Variants in SH3TC1 observed in about 807,000 individuals in gnomAD.
The protein encoded by SH3TC1 is SH3 domain and tetratricopeptide repeats 1.
In SH3TC1, 135 loss-of-function variants were observed where a neutral mutation model predicts 117.3. That is an observed-to-expected ratio of 1.15 (90% confidence interval 1.00 to 1.33). The LOEUF is 1.33. Ranked by LOEUF, SH3TC1 falls within the 40% of genes most tolerant of loss-of-function variation. SH3TC1 has a pLI of 0.00. For synonymous variants in SH3TC1, 898 were observed against 816.9 expected (o/e 1.10, Z -1.69); for missense variants, 2,092 against 1,794.3 (o/e 1.17, Z -3.00).
chr4:8,217,564 G>C (rs886502125), intron 7 of SH3TC1, among the ~76,000 whole-genome samples: 2 of 152,240 alleles, frequency 1.3e-5, no homozygotes, highest in African/African-American at 4.8e-5. Context: ...GCAAACTCCT[G>C]TTCACTTGCT....
chr4:8,202,319 AG>A (rs1365625492), intron 1 of SH3TC1, among the ~76,000 whole-genome samples: 2 of 152,224 alleles, frequency 1.3e-5, no homozygotes, highest in African/African-American at 2.4e-5. Context: ...ACATGGGAAC[AG>A]GGAGGGTGAA....
intron 1 of SH3TC1, among the ~76,000 whole-genome samples, chr4:8,185,268 G>A (rs1717187162): frequency 6.6e-6 from 1 of 151,954 alleles, no homozygotes; most frequent in Non-Finnish European, 1.5e-5. Flanking sequence ...CCCGGGATGC[G>A]GAGGTTGTGG....
chr4:8,240,914 T>C lies in SH3TC1; in HGVS notation c.3970T>C (p.Cys1324Arg), dbSNP rs2153000439. 3 of 1,612,664 alleles carry C rather than the reference T, an allele frequency of 1.9e-6. No individual in the cohort carries two copies. The highest frequency in any genetic ancestry group is 4.5e-5 in the East Asian group (2 of 44,864). ...GGTCAACCTGCCTCCTCTGCCACTC[T>C]GCGGGTGGGCCCCCTGGTTGGCCCC... ...RRVNLPPLPL[C>R]GWAPWLAPSH... Residue 1324 changes from cysteine (C) to arginine (R), a missense_variant, in exon 18 of 18, where the codon TGC (cysteine) becomes CGC (arginine). Cys to Arg is a radical substitution (Grantham distance 180, BLOSUM62 -3). Transcript: ENST00000245105.
chr4:8,218,501 G>T (rs1256613625), intron 8 of SH3TC1, among the ~76,000 whole-genome samples, 154 bp downstream of exon 8: 1 of 152,114 alleles, frequency 6.6e-6, no homozygotes. Context: ...TGCTTTCAAT[G>T]GCAAAAACCG....
chr4:8,225,859 A>G lies in SH3TC1; in HGVS notation c.1285+643A>G, dbSNP rs1720405933. On this transcript the variant is annotated intron_variant, in intron 11 of 17. Coordinates refer to ENST00000245105, the MANE Select transcript of SH3TC1 (RefSeq NM_018986.5). The surrounding 1 kb of genome is among the most constrained non-coding windows in gnomAD (Gnocchi z 5.5). ...AGGCCTGGAAGCCAGTGGGGAAGGG[A>G]AGGCTGTTGTAGGTTTTCCTGGGGG... 6.6e-6 allele frequency among the ~76,000 whole-genome samples: 1 copy of G among 151,954 alleles called. No individual in the cohort carries two copies. Among genetic ancestry groups the G allele is most frequent in the South Asian group, 2.1e-4 (1 of 4,804 alleles).
At chr4:8,187,118 C>T (rs1717243226) in intron 1 of SH3TC1, among the ~76,000 whole-genome samples, 1 of 152,198 alleles carries the variant, frequency 6.6e-6, no homozygotes, top group African/African-American at 2.4e-5. Context: ...CAGTTAATAT[C>T]CTCACTCGTA....
In SH3TC1 at chr4:8,206,218, A is replaced by G. The variant is rs1718193452; in HGVS notation, c.172+852A>G. On this transcript the variant is annotated intron_variant, in intron 2 of 17. Coordinates refer to ENST00000245105, the MANE Select transcript of SH3TC1 (RefSeq NM_018986.5). This position sits in a 1 kb window ranked among gnomAD's most constrained non-coding sequence, Gnocchi z 5.5. Reference sequence around the variant, plus strand: ...CCTGCCCTTCTGCTTGAGGGTGGAGATGGGAGGGGGTGGATGGCCTCCTGC... The same window carrying G: ...CCTGCCCTTCTGCTTGAGGGTGGAGGTGGGAGGGGGTGGATGGCCTCCTGC... 1 of 153,872 alleles carries G rather than the reference A, an allele frequency of 6.5e-6. No homozygotes were observed. Among genetic ancestry groups the G allele is most frequent in the Non-Finnish European group, 1.4e-5 (1 of 69,644 alleles). 9.5% of individuals were successfully genotyped at this position (153,872 alleles called of 1,614,324 possible). A position where few individuals can be genotyped will look rare whatever the true frequency, so the allele number is the denominator to read the frequency against.
rs765485104 is a variant in SH3TC1, at chr4:8,227,686, G to T, written c.1992G>T (p.Glu664Asp). The change falls in exon 12 of 18, where the codon GAG (glutamate) becomes GAT (aspartate). Residue 664 changes from glutamate (E) to aspartate (D), a missense_variant. Physicochemically the swap from Glu to Asp is conservative, Grantham distance 45. Coordinates refer to ENST00000245105, the MANE Select transcript of SH3TC1 (RefSeq NM_018986.5). ...RAVGGQSLQAEARACFLLARH... is the reference protein window; with the variant it reads ...RAVGGQSLQADARACFLLARH... ...TGGGTGGCCAGAGCCTGCAGGCCGA[G>T]GCCCGGGCCTGCTTCCTGCTGGCCA... The T allele has an allele frequency of 6.5e-7, 1 of 1,547,902 alleles. No homozygotes were observed.
chr4:8,199,585 C>G (rs1717694378), intron 1 of SH3TC1, among the ~76,000 whole-genome samples, 180 bp downstream of exon 1: 1 of 152,212 alleles, frequency 6.6e-6, no homozygotes, highest in Non-Finnish European at 1.5e-5. Context: ...TCAGCAGACC[C>G]CACTCAGAGC....
upstream of SH3TC1, among the ~76,000 whole-genome samples, chr4:8,198,779 G>A (rs1024560419): frequency 9.2e-5 from 14 of 152,244 alleles, no homozygotes; most frequent in Admixed American, 5.9e-4. Flanking sequence ...GAGGGCACCC[G>A]GGCAGAGACG....
chr4:8,225,712 C>G lies in SH3TC1; in HGVS notation c.1285+496C>G, dbSNP rs1318717505. Among the ~76,000 whole-genome samples, 1 of 152,202 alleles carries G rather than the reference C, an allele frequency of 6.6e-6. No individual in the cohort carries two copies. Among genetic ancestry groups the G allele is most frequent in the Admixed American group, 6.5e-5 (1 of 15,284 alleles). On this transcript the variant is annotated intron_variant, in intron 11 of 17. Coordinates refer to ENST00000245105, the MANE Select transcript of SH3TC1 (RefSeq NM_018986.5). This position sits in a 1 kb window ranked among gnomAD's most constrained non-coding sequence, Gnocchi z 5.5. Reference sequence around the variant, plus strand: ...CTCCCCTCTACAGCTCTGTCTCTTCCCCTCACACAGGGTCCGCATGGGGAG... The same window carrying G: ...CTCCCCTCTACAGCTCTGTCTCTTCGCCTCACACAGGGTCCGCATGGGGAG...
intron 14 of SH3TC1, among the ~76,000 whole-genome samples, chr4:8,233,749 A>G (rs1360333666): frequency 6.0e-5 from 3 of 49,950 alleles, no homozygotes; most frequent in African/African-American, 2.0e-4. Context: ...TCATCCATCC[A>G]TCCATCCATC....
chr4:8,198,830 T>C (rs536899014), upstream of SH3TC1, among the ~76,000 whole-genome samples: 32 of 152,234 alleles, frequency 2.1e-4, no homozygotes, highest in Non-Finnish European at 3.7e-4. Context: ...TACGTGTGCC[T>C]GTCCATGTGT....
chr4:8,238,528 C>G lies in SH3TC1; in HGVS notation c.3753+858C>G, dbSNP rs543646992. ...GTCCAGGGACTGAGCTCTTGGGGGC[C>G]TTAGAACAACATGAGGAGCTGCGGC... On this transcript the variant is annotated intron_variant, in intron 17 of 17. Transcript: ENST00000245105. Among the ~76,000 whole-genome samples, 573 of 152,266 alleles carry G rather than the reference C, an allele frequency of 3.8e-3. 5 individuals carry two copies. The highest frequency in any genetic ancestry group is 0.013 in the African/African-American group (539 of 41,564).
In SH3TC1 at chr4:8,232,180, G is replaced by A. The variant is rs201943101; in HGVS notation, c.3131+24G>A. ...CGGTGAGGGCTGGCTCTGTGGTGGT[G>A]GGGGCGGGGGGAGGGGGCAAAGGGG... On this transcript the variant is annotated intron_variant, in intron 13 of 17. Coordinates refer to ENST00000245105, the MANE Select transcript of SH3TC1 (RefSeq NM_018986.5). 1,438 of 807,286 alleles carry A rather than the reference G, an allele frequency of 1.8e-3. 3 individuals are homozygous for A. Among genetic ancestry groups the A allele is most frequent in the Middle Eastern group, 0.012 (24 of 1,934 alleles). The allele number at this position is 807,286 out of a possible 1,614,324, so 50.0% of individuals were successfully genotyped here.
intron 10 of SH3TC1, chr4:8,224,955 G>A (rs1481235911): frequency 1.8e-6 from 1 of 564,396 alleles, no homozygotes. Context: ...TGTCAGCAGT[G>A]CTCCTATGCT....
intron 14 of SH3TC1, among the ~76,000 whole-genome samples, chr4:8,234,386 C>A (rs1343306613): frequency 2.6e-5 from 4 of 152,050 alleles, no homozygotes; most frequent in Non-Finnish European, 5.9e-5. Flanking sequence ...ACCCATCTAT[C>A]CATCCATATG....
intron 1 of SH3TC1, among the ~76,000 whole-genome samples, chr4:8,204,092 A>T (rs2152978069): frequency 6.6e-6 from 1 of 152,320 alleles, no homozygotes; most frequent in East Asian, 1.9e-4. Flanking sequence ...AGGAGGCCAG[A>T]CTTGCACTTT....
chr4:8,235,289 C>G, intron 14 of SH3TC1, 144 bp from the exon 15 acceptor site: 1 of 967,228 alleles, frequency 1.0e-6, no homozygotes, highest in Non-Finnish European at 1.4e-6. Context: ...GCGGTGGGGG[C>G]GGCCCTAATG....
Sources: gnomAD v4.1 joint callset for allele counts (sites outside exome capture counted in the v4.1 genomes callset) on GRCh38, gnomAD v4.1.1 for gene constraint, Gnocchi (gnomAD v3.1) non-coding constraint, MANE v1.5 for transcripts, NCBI Gene and HGNC (gene_info 2026-07-23, HGNC 2026-07-21) for gene names.